DGKB: variants seen among roughly 807,000 people sequenced by gnomAD.
The protein encoded by DGKB is diacylglycerol kinase beta.
DGKB carries 67 observed loss-of-function variants against 114.3 expected under a neutral mutation model. The observed-to-expected ratio is 0.59, with a 90% CI of 0.48 to 0.72. DGKB has a LOEUF of 0.72. Ranked by LOEUF, DGKB falls within the 30% of genes least tolerant of loss-of-function variation. DGKB has a pLI of 0.00. For missense variants in DGKB, 907 were observed against 975.2 expected (o/e 0.93, Z 0.93); for synonymous variants, 398 against 323.1 (o/e 1.23, Z -2.49).
chr7:14,525,619 A>G (rs995177556), intron 20 of DGKB, among the ~76,000 whole-genome samples: 9 of 152,182 alleles, frequency 5.9e-5, no homozygotes, highest in South Asian at 2.1e-4. Flanking sequence ...GAGACATAAC[A>G]CTGTTGACAG....
At chr7:14,417,596 T>G (rs1453183333) in intron 21 of DGKB, among the ~76,000 whole-genome samples, 2 of 151,966 alleles carry the variant, frequency 1.3e-5, no homozygotes, top group African/African-American at 2.4e-5. Flanking sequence ...TTCACCCAAT[T>G]TAAGAAACTC....
chr7:14,656,557 T>A (rs1046031078), intron 13 of DGKB, among the ~76,000 whole-genome samples: 4 of 151,620 alleles, frequency 2.6e-5, no homozygotes, highest in African/African-American at 9.7e-5. Context: ...GTTCATATAT[T>A]AAACTAAAAG....
chr7:14,707,182 C>T (rs1191583325), intron 6 of DGKB, among the ~76,000 whole-genome samples: 29 of 128,908 alleles, frequency 2.2e-4, no homozygotes, highest in Non-Finnish European at 4.1e-4. Flanking sequence ...GAGAATACTA[C>T]AAACACCTCT....
chr7:14,151,367 C>T (rs1338474005), intron 25 of DGKB, among the ~76,000 whole-genome samples: 4 of 151,038 alleles, frequency 2.6e-5, no homozygotes, highest in Non-Finnish European at 5.9e-5. Context: ...ACCAAAATGT[C>T]ACATAATTAT....
chr7:14,884,040 T>C (rs2128217601), intron 1 of DGKB, among the ~76,000 whole-genome samples: 1 of 152,148 alleles, frequency 6.6e-6, no homozygotes, highest in South Asian at 2.1e-4. Flanking sequence ...GGTGTCCTTC[T>C]AGGCCTGTGG....
intron 21 of DGKB, among the ~76,000 whole-genome samples, chr7:14,428,718 C>A (rs1827965075): frequency 6.6e-6 from 1 of 151,986 alleles, no homozygotes; most frequent in African/African-American, 2.4e-5. Flanking sequence ...AAAATAGGTG[C>A]ACATGTGATT....
intron 1 of DGKB, among the ~76,000 whole-genome samples, chr7:14,850,333 C>A (rs926435915): frequency 7.9e-6 from 1 of 126,538 alleles, no homozygotes; most frequent in Non-Finnish European, 1.7e-5. Context: ...AATATGAAAT[C>A]GAGAGACTTT....
intron 23 of DGKB, among the ~76,000 whole-genome samples, chr7:14,298,422 G>C (rs10263285): frequency 0.81 from 122,897 of 152,112 alleles, 49,851 homozygotes; most frequent in South Asian, 0.92. Flanking sequence ...ACCATCTGAT[G>C]TTTGACAAAC....
chr7:14,177,344 C>G (rs1170579504), intron 24 of DGKB, among the ~76,000 whole-genome samples: 1 of 151,914 alleles, frequency 6.6e-6, no homozygotes, highest in African/African-American at 2.4e-5. Flanking sequence ...ATCACGAGGT[C>G]AGTAGTTTGA....
chr7:14,748,890 A>G (rs953131683), intron 4 of DGKB, among the ~76,000 whole-genome samples: 1 of 152,224 alleles, frequency 6.6e-6, no homozygotes, highest in African/African-American at 2.4e-5. Flanking sequence ...TTGAAACCAC[A>G]AAGAAATCAC....
intron 23 of DGKB, among the ~76,000 whole-genome samples, chr7:14,330,567 T>A (rs1261692337): frequency 6.6e-6 from 1 of 152,056 alleles, no homozygotes; most frequent in Non-Finnish European, 1.5e-5. Context: ...AGCATTATAC[T>A]TCTTGTCAGA....
chr7:14,832,080 T>C (rs1012123955), intron 2 of DGKB, among the ~76,000 whole-genome samples: 2 of 152,096 alleles, frequency 1.3e-5, no homozygotes, highest in Non-Finnish European at 2.9e-5. Context: ...CAGTTTACAA[T>C]GCATTTCCAC....
chr7:14,359,351 A>C (rs1473253990), intron 21 of DGKB, among the ~76,000 whole-genome samples: 1 of 152,176 alleles, frequency 6.6e-6, no homozygotes, highest in Non-Finnish European at 1.5e-5. Context: ...GTTAGACCTG[A>C]AACCATAAAA....
chr7:14,311,551 T>A (rs1354091405), intron 23 of DGKB, among the ~76,000 whole-genome samples: 1 of 152,124 alleles, frequency 6.6e-6, no homozygotes, highest in African/African-American at 2.4e-5. Context: ...GTCTCCTGAA[T>A]AGCTGGGATG....
chr7:14,585,567 A>T lies in DGKB; in HGVS notation c.1434-2430T>A, dbSNP rs533941814. 3.3e-5 allele frequency among the ~76,000 whole-genome samples: 5 copies of T among 152,290 alleles called. No homozygotes were observed. In the East Asian group the frequency reaches 9.7e-4, roughly 29 times the overall value. Reference sequence around the variant, plus strand: ...TACATGTCTTTTAAAATCCATGTCAATGGGCATTTCAACTGGTTTGCTTTA... The same window carrying T: ...TACATGTCTTTTAAAATCCATGTCATTGGGCATTTCAACTGGTTTGCTTTA... On this transcript the variant is annotated intron_variant, in intron 17 of 25. Transcript: ENST00000402815.
intron 21 of DGKB, among the ~76,000 whole-genome samples, chr7:14,348,130 T>A (rs1812790738): frequency 1.3e-5 from 2 of 151,952 alleles, no homozygotes; most frequent in African/African-American, 2.4e-5. Flanking sequence ...TCCCTCATGT[T>A]GCTCTTTTAT....
intron 1 of DGKB, among the ~76,000 whole-genome samples, chr7:14,847,971 G>A (rs536896743): frequency 6.6e-6 from 1 of 152,300 alleles, no homozygotes; most frequent in South Asian, 2.1e-4. Context: ...ATTAAAAAGA[G>A]CTACATAATT....
At chr7:14,610,341 T>A (rs7785675) in intron 16 of DGKB, among the ~76,000 whole-genome samples, 14,956 of 151,782 alleles carry the variant, frequency 0.099, 1,780 homozygotes, top group African/African-American at 0.29. Flanking sequence ...ACACACACAC[T>A]TAAACATGGG....
chr7:14,231,703 A>G (rs1240325250), intron 23 of DGKB, among the ~76,000 whole-genome samples: 1 of 151,806 alleles, frequency 6.6e-6, no homozygotes, highest in Non-Finnish European at 1.5e-5. Context: ...GCTATACAGA[A>G]AAAAAAATAA....
Sources: gnomAD v4.1 joint callset for allele counts (sites outside exome capture counted in the v4.1 genomes callset) on GRCh38, gnomAD v4.1.1 for gene constraint, MANE v1.5 for transcripts, NCBI Gene and HGNC (gene_info 2026-07-23, HGNC 2026-07-21) for gene names.